Variants in NWD1 observed in about 807,000 individuals in gnomAD.
NWD1 encodes NACHT and WD repeat domain containing 1.
A neutral mutation model predicts 135.1 loss-of-function variants in NWD1; 129 were observed. That is an observed-to-expected ratio of 0.96 (90% CI 0.83 to 1.11). NWD1 has a LOEUF of 1.11. Among genes scored for constraint, NWD1 ranks in the 50% least tolerant of loss-of-function variants. NWD1 has a pLI of 0.00. For missense variants in NWD1, 1,740 were observed against 1,851.3 expected, an observed-to-expected ratio of 0.94 and a Z score of 1.10; for synonymous variants, 773 against 786.0, an observed-to-expected ratio of 0.98 and a Z score of 0.28.
In NWD1 at chr19:16,797,673, G is replaced by A; in HGVS notation, c.3305-59G>A. 3 of 1,511,882 alleles carry A rather than the reference G, an allele frequency of 2.0e-6. No individual in the cohort carries two copies. The East Asian group carries it at 6.9e-5, about 35-fold the overall frequency. 93.7% of individuals were successfully genotyped at this position (1,511,882 alleles called of 1,614,324 possible). On this transcript the variant is annotated intron_variant, in intron 15 of 18. Coordinates refer to ENST00000524140, the MANE Select transcript of NWD1 (RefSeq NM_001007525.5). ...TCCAAAACACCTCTGTTGATGGAAG[G>A]AATGACCCTCAATCTCCTCTGGACA...
At chr19:16,743,357 C>T (rs1440517173) in intron 4 of NWD1, among the ~76,000 whole-genome samples, 1 of 152,128 alleles carries the variant, frequency 6.6e-6, no homozygotes, top group Non-Finnish European at 1.5e-5. Flanking sequence ...ACTACAGATG[C>T]ACACCCCCAC....
chr19:16,786,021 C>T (rs1415624648), intron 12 of NWD1, among the ~76,000 whole-genome samples: 1 of 151,914 alleles, frequency 6.6e-6, no homozygotes, highest in Non-Finnish European at 1.5e-5. Flanking sequence ...CCTGCCACCA[C>T]ACCCAGCTAA....
At chr19:16,802,696 A>C (rs945454031) in intron 17 of NWD1, among the ~76,000 whole-genome samples, 1 of 151,960 alleles carries the variant, frequency 6.6e-6, no homozygotes, top group South Asian at 2.1e-4. Flanking sequence ...CTGTTCTCAC[A>C]CTGCTAATAA....
chr19:16,744,461 C>T lies in NWD1; in HGVS notation c.239C>T (p.Ser80Leu), dbSNP rs540916512. ...GDQYGPCLIP[S>L]RIDEKEWEVL... ...CAGTACGGCCCCTGTCTGATTCCCT[C>T]GCGGATCGATGAGAAGGAGTGGGAG... Residue 80 changes from serine to leucine, a missense_variant, in exon 5 of 19, where the codon TCG becomes TTG. Ser to Leu is a moderately radical substitution (Grantham distance 145, BLOSUM62 -2). Coordinates refer to ENST00000524140, the MANE Select transcript of NWD1 (RefSeq NM_001007525.5). The T allele has an allele frequency of 1.1e-4, 165 of 1,535,712 alleles. 4 individuals are homozygous for T. Among genetic ancestry groups the T allele is most frequent in the Middle Eastern group, 3.3e-4 (2 of 5,986 alleles).
In NWD1 at chr19:16,744,340, G is replaced by T. The variant is rs1401967045; in HGVS notation, c.199-81G>T. ...TGCAGTGAGCCATGGTTGTACCACC[G>T]CACTCCAGCCTGGGCGACAGAGCAA... On this transcript the variant is annotated intron_variant, in intron 4 of 18. Coordinates refer to ENST00000524140, the MANE Select transcript of NWD1 (RefSeq NM_001007525.5). 30 of 1,234,752 alleles carry T rather than the reference G, an allele frequency of 2.4e-5. No individual in the cohort carries two copies. In the East Asian group the frequency reaches 7.1e-4, roughly 29 times the overall value. The allele number at this position is 1,234,752 out of a possible 1,614,324, so 76.5% of individuals were successfully genotyped here. A position where few individuals can be genotyped will look rare whatever the true frequency, so the allele number is the denominator to read the frequency against.
intron 18 of NWD1, among the ~76,000 whole-genome samples, chr19:16,812,508 A>C (rs767072070): frequency 1.3e-5 from 2 of 151,824 alleles, no homozygotes; most frequent in African/African-American, 2.4e-5. Flanking sequence ...ATTTCTACTC[A>C]AAATACAAAA....
Position 16,800,105 on chromosome 19 carries a change from G to A in NWD1, c.3679G>A (p.Val1227Ile), listed in dbSNP as rs768341227. ...LTAVSHNGSY[V>I]YFPKIGDKNK... ...CGCAGTGTCCCACAATGGAAGCTAC[G>A]TCTACTTCCCCAAAATTGGGGACAA... Residue 1227 changes from valine to isoleucine, a missense_variant, in exon 17 of 19, where the codon GTC (valine) becomes ATC (isoleucine). By Grantham distance (29) the Val-to-Ile change is conservative (BLOSUM62 3). Transcript: ENST00000524140. 54 of 1,613,842 alleles carry A rather than the reference G, an allele frequency of 3.3e-5. No individual in the cohort carries two copies. Among genetic ancestry groups the A allele is most frequent in the East Asian group, 2.9e-4 (13 of 44,876 alleles).
intron 6 of NWD1, among the ~76,000 whole-genome samples, chr19:16,757,176 G>A (rs569926904): frequency 6.6e-6 from 1 of 152,200 alleles, no homozygotes; most frequent in East Asian, 1.9e-4. Context: ...CTGGTCCGCG[G>A]GAAAAAAATT....
Position 16,789,134 on chromosome 19 carries a change from TG to T in NWD1, c.2886del (p.Trp962Ter), listed in dbSNP as rs767169613. On this transcript the variant is annotated frameshift_variant, in exon 13 of 19. Transcript: ENST00000524140. LOFTEE classifies it high-confidence loss of function. ...AAAAAATCCCGCTGAACCTCAGATC[TG>T]GAACCTTCATGTGGATGAGGCACAC... ...GSKNPAEPQI[W>X]NLHVDEAHKV... 4.3e-6 allele frequency: 7 copies of T among 1,614,000 alleles called. No individual in the cohort carries two copies. The African/African-American group carries it at 9.3e-5, about 22-fold the overall frequency.
chr19:16,747,641 G>C (rs1335037321), intron 5 of NWD1, among the ~76,000 whole-genome samples: 1 of 152,076 alleles, frequency 6.6e-6, no homozygotes, highest in East Asian at 1.9e-4. Flanking sequence ...CCAAAGTGCT[G>C]AGATTACAGG....
rs60291508 is a variant in NWD1 at position 16,755,687 on chromosome 19, C to CTTATTTATTTATTTATTTAT, written c.1770-3526_1770-3507dup. Among the ~76,000 whole-genome samples the CTTATTTATTTATTTATTTAT allele has an allele frequency of 1.8e-3, 263 of 148,116 alleles. 3 individuals carry two copies. Among genetic ancestry groups the CTTATTTATTTATTTATTTAT allele is most frequent in the Admixed American group, 0.012 (169 of 14,674 alleles). ...ACAGGAATGAGCCACCACATCCAGC[C>CTTATTTATTTATTTATTTAT]TTATTTATTTATTTATTTATTTATT... is the stretch of plus-strand genomic sequence containing the variant. On this transcript the variant is annotated intron_variant, in intron 6 of 18. Transcript: ENST00000524140.
chr19:16,789,732 T>C (rs1406018651), intron 13 of NWD1, among the ~76,000 whole-genome samples: 1 of 150,212 alleles, frequency 6.7e-6, no homozygotes, highest in East Asian at 1.9e-4. Flanking sequence ...TTTTTTTTTT[T>C]TTTGAGATGG....
At chr19:16,809,070 A>G (rs1315513369) in intron 18 of NWD1, among the ~76,000 whole-genome samples, 1 of 152,070 alleles carries the variant, frequency 6.6e-6, no homozygotes. Flanking sequence ...AACAAAAAAC[A>G]AAAACTCAGC....
chr19:16,724,221 A>G (rs2122661084), intron 1 of NWD1, 145 bp from the exon 2 acceptor site: 1 of 152,354 alleles, frequency 6.6e-6, no homozygotes, highest in East Asian at 1.9e-4. Context: ...TGGGCATTTT[A>G]TAGACCTATC....
At chr19:16,755,775 C>T (rs761314570) in intron 6 of NWD1, among the ~76,000 whole-genome samples, 8 of 150,798 alleles carry the variant, frequency 5.3e-5, no homozygotes, top group Non-Finnish European at 7.4e-5. Flanking sequence ...TGGGCTCAAG[C>T]GATCCTCCCA....
chr19:16,781,053 C>T (rs951757430), intron 12 of NWD1, among the ~76,000 whole-genome samples: 1 of 152,094 alleles, frequency 6.6e-6, no homozygotes, highest in Admixed American at 6.6e-5. Context: ...TTGCATTTGT[C>T]GACCTCAGAT....
chr19:16,759,456 ACTGT>A (rs1391357754), intron 7 of NWD1, 28 bp downstream of exon 7: 3 of 1,516,010 alleles, frequency 2.0e-6, no homozygotes, highest in Admixed American at 3.9e-5. Flanking sequence ...TGGCAGCGAC[ACTGT>A]CTGGGTGGGA....
At chr19:16,759,721 A>T (rs564439087) in intron 7 of NWD1, among the ~76,000 whole-genome samples, 2 of 152,314 alleles carry the variant, frequency 1.3e-5, no homozygotes, top group South Asian at 4.1e-4. Context: ...TACAAAAAAA[A>T]TAAGAAAATT....
At position 16,749,749 on chromosome 19, in the gene NWD1, C is replaced by T. The variant is rs376566352; in HGVS notation, c.1107C>T (p.Val369=). Reference sequence around the variant, plus strand: ...TGCTGGGGCACAAGACAGTGACCGTCCTGCGGCTGCTGGGGACGTCACAAA... The same window carrying T: ...TGCTGGGGCACAAGACAGTGACCGTTCTGCGGCTGCTGGGGACGTCACAAA... ...PRLLGHKTVT[V]LRLLGTSQMS... Residue 369 remains valine, a synonymous_variant, in exon 6 of 19, where the codon GTC becomes GTT. Transcript: ENST00000524140. 91 of 1,607,210 alleles carry T rather than the reference C, an allele frequency of 5.7e-5. No homozygotes were observed. Among genetic ancestry groups the T allele is most frequent in the Non-Finnish European group, 7.7e-5 (90 of 1,176,310 alleles).
Sources: allele counts gnomAD v4.1 joint callset (sites outside exome capture counted in the v4.1 genomes callset), GRCh38; gene constraint gnomAD v4.1.1; transcripts MANE v1.5; gene names NCBI Gene and HGNC (gene_info 2026-07-23, HGNC 2026-07-21).